Variants in HOMER1 observed in about 807,000 individuals in gnomAD.
HOMER1 encodes the protein homer protein homolog 1.
Under a neutral mutation model 48.9 loss-of-function variants are expected in HOMER1, and 3 were observed. The observed-to-expected ratio is 0.06, with a 90% CI of 0.03 to 0.16. The LOEUF (loss-of-function observed/expected upper bound fraction) is 0.16. Ranked by LOEUF, HOMER1 falls within the 10% of genes least tolerant of loss-of-function variation. The probability of loss-of-function intolerance (pLI) is 1.00; values close to 1 mark genes in which losing one functional copy is unlikely to be tolerated. For missense variants in HOMER1, 247 were observed against 411.4 expected (o/e 0.60, Z 3.46); for synonymous variants, 134 against 146.4 (o/e 0.92, Z 0.61).
At chr5:79,448,431 TAAA>T (rs947663450) in intron 3 of HOMER1, among the ~76,000 whole-genome samples, 11 of 152,092 alleles carry the variant, frequency 7.2e-5, no homozygotes, top group Non-Finnish European at 8.8e-5. Context: ...TTCAGCAAAA[TAAA>T]AAAGTGACAG....
chr5:79,382,551 C>T (rs1049857428), intron 8 of HOMER1, among the ~76,000 whole-genome samples: 1 of 152,148 alleles, frequency 6.6e-6, no homozygotes, highest in Non-Finnish European at 1.5e-5. Flanking sequence ...AAGCATACTA[C>T]ATCCAGCAAA....
chr5:79,449,658 A>G (rs1750978946), intron 3 of HOMER1, among the ~76,000 whole-genome samples: 2 of 152,114 alleles, frequency 1.3e-5, no homozygotes, highest in Admixed American at 6.6e-5. Flanking sequence ...TATTTTTAGT[A>G]GAAACGGGGT....
chr5:79,425,504 T>C (rs1054333037), intron 5 of HOMER1, among the ~76,000 whole-genome samples: 6 of 152,078 alleles, frequency 3.9e-5, no homozygotes, highest in African/African-American at 7.2e-5. Flanking sequence ...ATAATATGTC[T>C]AGTATTAGTT....
Position 79,376,213 on chromosome 5 carries a change from T to C in HOMER1, c.877-16A>G, listed in dbSNP as rs1476762594. On this transcript the variant is annotated splice_polypyrimidine_tract_variant and intron_variant, in intron 8 of 8. Coordinates refer to ENST00000334082, the MANE Select transcript of HOMER1 (RefSeq NM_004272.5). ...TTTCTACTTCCTTCAGAAACAAAAG[T>C]GTAACATGTATATATGTCAATTCAT... is the stretch of plus-strand genomic sequence containing the variant. 3.1e-6 allele frequency: 5 copies of C among 1,588,870 alleles called. No individual in the cohort carries two copies. Among genetic ancestry groups the C allele is most frequent in the Non-Finnish European group, 4.3e-6 (5 of 1,159,670 alleles).
In HOMER1 at chr5:79,377,965, G is replaced by A. The variant is rs548056484; in HGVS notation, c.877-1768C>T. Among the ~76,000 whole-genome samples, 8 of 152,196 alleles carry A rather than the reference G, an allele frequency of 5.3e-5. No individual in the cohort carries two copies. The East Asian group carries it at 9.6e-4, about 18-fold the overall frequency. On this transcript the variant is annotated intron_variant, in intron 8 of 8. Coordinates refer to ENST00000334082, the MANE Select transcript of HOMER1 (RefSeq NM_004272.5). Reference sequence around the variant, plus strand: ...GAAAAATAATTAGGGCAAGGCTCACGCCTTTAATCCCAGAACTCTGGGAGG... The same window carrying A: ...GAAAAATAATTAGGGCAAGGCTCACACCTTTAATCCCAGAACTCTGGGAGG...
chr5:79,457,834 T>A (rs140006704), intron 1 of HOMER1, among the ~76,000 whole-genome samples: 4 of 152,298 alleles, frequency 2.6e-5, no homozygotes, highest in Non-Finnish European at 5.9e-5. Flanking sequence ...AAGATGTGAA[T>A]AATGAGAATA....
chr5:79,422,923 C>A (rs769513428), intron 5 of HOMER1, among the ~76,000 whole-genome samples: 4 of 146,624 alleles, frequency 2.7e-5, no homozygotes, highest in Admixed American at 7.0e-5. Flanking sequence ...ACAAAGATGA[C>A]CTTTCTCTCA....
chr5:79,498,596 C>T (rs979891841), intron 1 of HOMER1, among the ~76,000 whole-genome samples: 3 of 152,062 alleles, frequency 2.0e-5, no homozygotes, highest in Non-Finnish European at 2.9e-5. Context: ...TCCTACAGTC[C>T]CCACCAGTCC....
At chr5:79,461,302 T>C (rs1247712300) in intron 1 of HOMER1, among the ~76,000 whole-genome samples, 16 of 152,240 alleles carry the variant, frequency 1.1e-4, no homozygotes, top group Non-Finnish European at 2.4e-4. Context: ...AAATTGATTG[T>C]TCAAGTGTCC....
intron 1 of HOMER1, among the ~76,000 whole-genome samples, chr5:79,467,752 G>A (rs1488749772): frequency 6.6e-6 from 1 of 151,996 alleles, no homozygotes; most frequent in Non-Finnish European, 1.5e-5. Context: ...TTGAATAATC[G>A]GCCACATTTT....
At chr5:79,396,554 A>T (rs1276171457) in intron 8 of HOMER1, among the ~76,000 whole-genome samples, 18 of 150,824 alleles carry the variant, frequency 1.2e-4, no homozygotes, top group Non-Finnish European at 3.0e-5. Context: ...AACCCAGAGT[A>T]TTTTTTTTTA....
chr5:79,421,649 A>C (rs930613946), intron 5 of HOMER1, among the ~76,000 whole-genome samples: 37 of 150,776 alleles, frequency 2.5e-4, no homozygotes, highest in African/African-American at 8.3e-4. Flanking sequence ...CTTGTCGCCC[A>C]GGCTGGAGTG....
At chr5:79,421,667 G>A (rs532261514) in intron 5 of HOMER1, among the ~76,000 whole-genome samples, 3 of 151,172 alleles carry the variant, frequency 2.0e-5, no homozygotes, top group Admixed American at 6.6e-5. Context: ...GTGCAATGGC[G>A]CAATCTTGGC....
At position 79,491,548 on chromosome 5, in the gene HOMER1, T is replaced by G. The variant is rs1752280095; in HGVS notation, c.5+21222A>C. Reference sequence around the variant, plus strand: ...GCTTGGGCTTTCTTTATGTTGAAAATCAGCCTGTGTCACATGTGTTGTTAT... The same window carrying G: ...GCTTGGGCTTTCTTTATGTTGAAAAGCAGCCTGTGTCACATGTGTTGTTAT... On this transcript the variant is annotated intron_variant, in intron 1 of 8. Transcript: ENST00000334082. 3.3e-5 allele frequency among the ~76,000 whole-genome samples: 5 copies of G among 149,394 alleles called. No homozygotes were observed. The Admixed American group carries it at 3.4e-4, about 10-fold the overall frequency.
intron 5 of HOMER1, 73 bp from the exon 6 acceptor site, chr5:79,402,128 G>T: frequency 8.1e-7 from 1 of 1,227,206 alleles, no homozygotes; most frequent in Non-Finnish European, 1.1e-6. Context: ...GCAAGACTCA[G>T]TTCTATTGTA....
intron 8 of HOMER1, among the ~76,000 whole-genome samples, chr5:79,388,574 AT>A (rs1749174010): frequency 6.6e-6 from 1 of 152,164 alleles, no homozygotes; most frequent in African/African-American, 2.4e-5. Context: ...TCAAATAAGC[AT>A]TTAAAAACAA....
intron 8 of HOMER1, among the ~76,000 whole-genome samples, chr5:79,392,735 T>C (rs1580419947): frequency 2.6e-5 from 4 of 152,336 alleles, no homozygotes; most frequent in Admixed American, 2.6e-4. Context: ...ACTCACTCAC[T>C]GACCCACCCA....
intron 6 of HOMER1, among the ~76,000 whole-genome samples, chr5:79,400,725 A>AG (rs1360615119): frequency 2.2e-5 from 3 of 137,618 alleles, no homozygotes; most frequent in Non-Finnish European, 4.5e-5. Flanking sequence ...CTTGAATTAA[A>AG]AAAAAAAAAA....
At chr5:79,510,935 G>T in intron 1 of HOMER1, 1 of 559,190 alleles carries the variant, frequency 1.8e-6, no homozygotes. Flanking sequence ...GGACTGGTGC[G>T]ACCCCCCGCC....
Sources: gnomAD v4.1 joint callset for allele counts (sites outside exome capture counted in the v4.1 genomes callset) on GRCh38, gnomAD v4.1.1 for gene constraint, MANE v1.5 for transcripts, NCBI Gene and HGNC (gene_info 2026-07-23, HGNC 2026-07-21) for gene names.